The following ATP7B variants were observed in gnomAD, a reference collection of about 807,000 sequenced individuals.
ATP7B encodes ATPase copper transporting beta, also known as copper-transporting ATPase 2.
In ATP7B, 113 loss-of-function variants were observed where a neutral mutation model predicts 118.9. That is an observed-to-expected ratio of 0.95 (90% CI 0.82 to 1.11). The LOEUF is 1.11. Among genes scored for constraint, ATP7B ranks in the 50% most tolerant of loss-of-function variants. The pLI, the probability that ATP7B is intolerant of heterozygous loss-of-function variation, is 0.00. For synonymous variants in ATP7B, 777 were observed against 727.4 expected (o/e 1.07, Z -1.10); for missense variants, 1,867 against 1,871.4 (o/e 1.00, Z 0.04).
rs372531319 is a variant in ATP7B at position 52,006,896 on chromosome 13, C to A, written c.51+4391G>T. Among the ~76,000 whole-genome samples, 20 of 152,294 alleles carry A rather than the reference C, an allele frequency of 1.3e-4. No homozygotes were observed. The East Asian group carries it at 3.9e-3, about 29-fold the overall frequency. On this transcript the variant is annotated intron_variant, in intron 1 of 20. Coordinates refer to ENST00000242839, the MANE Select transcript of ATP7B (RefSeq NM_000053.4). Reference sequence around the variant, plus strand: ...CCTCCCACTGAAGGAATTTTTCTGCCCCTTCTGTGGGTGCTGTACCATGTA... The same window carrying A: ...CCTCCCACTGAAGGAATTTTTCTGCACCTTCTGTGGGTGCTGTACCATGTA...
At chr13:51,938,543 T>C (rs1224470792) in intron 17 of ATP7B, among the ~76,000 whole-genome samples, 2 of 152,168 alleles carry the variant, frequency 1.3e-5, no homozygotes, top group Admixed American at 6.5e-5. Context: ...CTGCACACAT[T>C]TGGAGGTGCA....
rs1057517310 is a variant in ATP7B, at chr13:51,949,710, C to A, written c.2817G>T (p.Trp939Cys). The change falls in exon 12 of 21, where the codon TGG becomes TGT. Residue 939 changes from tryptophan to cysteine, a missense_variant. Transcript: ENST00000242839. ...CAAAATCGATAAAACCGATTACAAT[C>A]CATACCACCAACGTCAAAGTTGACA... ...IIMSTLTLVV[W>C]IVIGFIDFGV... 6.2e-7 allele frequency: 1 copy of A among 1,614,108 alleles called. No individual in the cohort carries two copies. Among genetic ancestry groups the A allele is most frequent in the Non-Finnish European group, 8.5e-7 (1 of 1,180,012 alleles).
chr13:51,969,206 A>G (rs930181982), intron 3 of ATP7B, among the ~76,000 whole-genome samples: 10 of 151,856 alleles, frequency 6.6e-5, no homozygotes, highest in Non-Finnish European at 1.5e-4. Context: ...TAGAAGAACA[A>G]TGCTTCTCAA....
intron 13 of ATP7B, among the ~76,000 whole-genome samples, chr13:51,944,854 TG>T (rs1957550510): frequency 6.6e-6 from 1 of 152,186 alleles, no homozygotes; most frequent in African/African-American, 2.4e-5. Flanking sequence ...CCCACACCTC[TG>T]GGCTCAGATA....
chr13:51,936,110 G>A (rs1486630627), intron 19 of ATP7B, among the ~76,000 whole-genome samples: 2 of 152,220 alleles, frequency 1.3e-5, no homozygotes, highest in African/African-American at 4.8e-5. Flanking sequence ...TCCTTCTCTA[G>A]CAGATGATCT....
chr13:51,960,163 C>A lies in ATP7B; in HGVS notation c.2106G>T (p.Leu702Phe). Residue 702 changes from leucine to phenylalanine, a missense_variant, in exon 7 of 21, where the codon TTG (leucine) becomes TTT (phenylalanine). Leu to Phe is a conservative substitution (Grantham distance 22). Transcript: ENST00000242839. ...LSILNLIFFILCTFVQLLGGW... is the reference protein window; with the variant it reads ...LSILNLIFFIFCTFVQLLGGW... ...TCATATATACCTGGACAAAGGTACA[C>A]AAGATAAAGAAGATGAGATTTAGAA... 6.2e-7 allele frequency: 1 copy of A among 1,613,908 alleles called. No homozygotes were observed. The highest frequency in any genetic ancestry group is 8.5e-7 in the Non-Finnish European group (1 of 1,179,820).
Position 51,974,836 on chromosome 13 carries a change from TC to T in ATP7B, c.383del (p.Gly128GlufsTer25), listed in dbSNP as rs797045083. ...ACCTTGAGGGCCAGGAGGCTGCCTT[TC>T]CTTCTGCAATGCTGGCCTCGAAGCC... ...DMGFEASIAEGKAASWPSRSL... is the reference protein window; with the variant it reads ...DMGFEASIAEXKAASWPSRSL... On this transcript the variant is annotated frameshift_variant, in exon 2 of 21. Coordinates refer to ENST00000242839, the MANE Select transcript of ATP7B (RefSeq NM_000053.4). LOFTEE classifies it high-confidence loss of function. The T allele has an allele frequency of 3.7e-6, 6 of 1,614,220 alleles. No individual in the cohort carries two copies. The highest frequency in any genetic ancestry group is 4.2e-6 in the Non-Finnish European group (5 of 1,180,036).
At position 51,970,367 on chromosome 13, in the gene ATP7B, T is replaced by C. The variant is rs116468028; in HGVS notation, c.1543+125A>G. ...AAGGACATTAGACAAACATTTATGC[T>C]ATATAATGAACTTGCTACCTGGTTA... On this transcript the variant is annotated intron_variant, in intron 3 of 20. Transcript: ENST00000242839. 2.2e-4 allele frequency: 288 copies of C among 1,330,870 alleles called. No individual in the cohort carries two copies. The African/African-American group carries it at 3.7e-3, about 17-fold the overall frequency. 82.4% of individuals were successfully genotyped at this position (1,330,870 alleles called of 1,614,324 possible).
At position 51,944,610 on chromosome 13, in the gene ATP7B, C is replaced by T. The variant is rs115468037; in HGVS notation, c.3061-319G>A. ...CAGTGACACCATCCACATACTCCCC[C>T]ACATCAGGTCAGGAGTCAGGACCCT... On this transcript the variant is annotated intron_variant, in intron 13 of 20. Transcript: ENST00000242839. Among the ~76,000 whole-genome samples, 633 of 152,306 alleles carry T rather than the reference C, an allele frequency of 4.2e-3. 7 individuals carry two copies. The highest frequency in any genetic ancestry group is 0.015 in the African/African-American group (617 of 41,550).
chr13:51,968,355 TG>T, intron 4 of ATP7B, 88 bp downstream of exon 4: 1 of 1,584,422 alleles, frequency 6.3e-7, no homozygotes, highest in Non-Finnish European at 8.7e-7. Flanking sequence ...ACGTCCAAGA[TG>T]GGGAAATTTA....
intron 1 of ATP7B, among the ~76,000 whole-genome samples, chr13:51,987,042 C>T (rs1952684209): frequency 1.3e-5 from 2 of 152,142 alleles, no homozygotes; most frequent in African/African-American, 4.8e-5. Flanking sequence ...CACTCCTATT[C>T]AACACAGTAT....
intron 1 of ATP7B, among the ~76,000 whole-genome samples, chr13:51,975,952 G>A (rs1952097415): frequency 6.6e-6 from 1 of 152,236 alleles, no homozygotes; most frequent in Non-Finnish European, 1.5e-5. Context: ...GGGTGTTCAG[G>A]AGAGCTGTAG....
At chr13:51,960,794 G>C (rs1249624146) in intron 6 of ATP7B, among the ~76,000 whole-genome samples, 1 of 152,160 alleles carries the variant, frequency 6.6e-6, no homozygotes, top group Non-Finnish European at 1.5e-5. Context: ...GAGTCCATGA[G>C]AACAGTGATC....
At chr13:51,989,913 G>A (rs1188450718) in intron 1 of ATP7B, among the ~76,000 whole-genome samples, 1 of 151,940 alleles carries the variant, frequency 6.6e-6, no homozygotes, top group African/African-American at 2.4e-5. Flanking sequence ...TGTACTCCAA[G>A]GAGTATTGGT....
chr13:51,988,262 C>G (rs1455853116), intron 1 of ATP7B, among the ~76,000 whole-genome samples: 1 of 151,734 alleles, frequency 6.6e-6, no homozygotes, highest in South Asian at 2.1e-4. Context: ...TGAACAGACA[C>G]TTCTCAAAAG....
intron 1 of ATP7B, among the ~76,000 whole-genome samples, chr13:51,991,480 G>A (rs1017220585): frequency 1.3e-5 from 2 of 152,158 alleles, no homozygotes; most frequent in Middle Eastern, 3.4e-3. Context: ...TGGGTGACAC[G>A]GTGAGACCCT....
chr13:51,978,437 T>C (rs373732183), intron 1 of ATP7B, among the ~76,000 whole-genome samples: 23 of 152,334 alleles, frequency 1.5e-4, no homozygotes, highest in African/African-American at 5.0e-4. Flanking sequence ...GTAACCTCTC[T>C]GGAGGGCAAT....
intron 9 of ATP7B, among the ~76,000 whole-genome samples, chr13:51,954,116 TC>T (rs1958188688): frequency 6.6e-6 from 1 of 152,122 alleles, no homozygotes; most frequent in African/African-American, 2.4e-5. Flanking sequence ...GGATGCAACT[TC>T]CATGCTGAGC....
At chr13:51,947,557 A>C (rs2139101958) in intron 12 of ATP7B, among the ~76,000 whole-genome samples, 1 of 152,342 alleles carries the variant, frequency 6.6e-6, no homozygotes. Context: ...CAGCCTCTTT[A>C]GCTTCCATCT....
Sources: gnomAD v4.1 joint callset for allele counts (sites outside exome capture counted in the v4.1 genomes callset) on GRCh38, gnomAD v4.1.1 for gene constraint, MANE v1.5 for transcripts, NCBI Gene and HGNC (gene_info 2026-07-23, HGNC 2026-07-21) for gene names.